UBTD2: variants seen among roughly 807,000 people sequenced by gnomAD.
The protein encoded by UBTD2 is ubiquitin domain containing 2.
Under a neutral mutation model 19.8 loss-of-function variants are expected in UBTD2, and 9 were observed. The ratio of observed to expected loss-of-function variants is 0.46; its 90% CI spans 0.27 to 0.79. The LOEUF (loss-of-function observed/expected upper bound fraction) is 0.79. Ranked by LOEUF, UBTD2 falls within the 30% of genes least tolerant of loss-of-function variation. The pLI is 0.14. For missense variants in UBTD2, 250 were observed against 300.4 expected (o/e 0.83, Z 1.24); for synonymous variants, 98 against 103.9 (o/e 0.94, Z 0.35).
intron 1 of UBTD2, among the ~76,000 whole-genome samples, chr5:172,239,565 C>G (rs375732614): frequency 1.2e-4 from 18 of 151,876 alleles, no homozygotes; most frequent in Admixed American, 1.2e-3. Context: ...GGATTACAGG[C>G]GCCTGCCACC....
At chr5:172,235,815 A>G (rs1771997139) in intron 1 of UBTD2, among the ~76,000 whole-genome samples, 1 of 152,182 alleles carries the variant, frequency 6.6e-6, no homozygotes, top group Non-Finnish European at 1.5e-5. Context: ...ATGGGATAGA[A>G]GATAGAAAGA....
chr5:172,255,116 G>T, intron 1 of UBTD2: 1 of 475,632 alleles, frequency 2.1e-6, no homozygotes, highest in South Asian at 1.9e-5. Context: ...AAGGGGATGA[G>T]TATTTTCATT....
At chr5:172,260,467 T>C (rs1237493379) in intron 1 of UBTD2, among the ~76,000 whole-genome samples, 2 of 151,928 alleles carry the variant, frequency 1.3e-5, no homozygotes, top group East Asian at 3.9e-4. Flanking sequence ...TTGCTTGTTA[T>C]AGAAAAAAAG....
At chr5:172,281,960 A>G (rs1241770963) in intron 1 of UBTD2, among the ~76,000 whole-genome samples, 1 of 152,242 alleles carries the variant, frequency 6.6e-6, no homozygotes, top group Non-Finnish European at 1.5e-5. Context: ...AATTACCCAA[A>G]GCTAAGATTT....
chr5:172,248,731 C>T (rs1042129148), intron 1 of UBTD2, among the ~76,000 whole-genome samples: 5 of 150,700 alleles, frequency 3.3e-5, no homozygotes, highest in African/African-American at 1.2e-4. Context: ...CACTGTATTC[C>T]AGCCTAGGTG....
intron 1 of UBTD2, among the ~76,000 whole-genome samples, chr5:172,257,646 G>A (rs1031942531): frequency 6.6e-6 from 1 of 152,018 alleles, no homozygotes; most frequent in Non-Finnish European, 1.5e-5. Context: ...GTTATTTTTT[G>A]ACTTTTTAAC....
Position 172,269,927 on chromosome 5 carries a change from A to G in UBTD2, c.70+13669T>C, listed in dbSNP as rs557348285. Among the ~76,000 whole-genome samples, 6 of 151,446 alleles carry G rather than the reference A, an allele frequency of 4.0e-5. No homozygotes were observed. In the South Asian group the frequency reaches 1.3e-3, roughly 32 times the overall value. On this transcript the variant is annotated intron_variant, in intron 1 of 2. Transcript: ENST00000393792. ...TCCGTCTCTACTAAAAATACAAAAA[A>G]TTAGCTGGGCATGGTTGCGCATGCC...
chr5:172,245,569 C>A (rs188602252), intron 1 of UBTD2, among the ~76,000 whole-genome samples: 173 of 152,080 alleles, frequency 1.1e-3, no homozygotes, highest in African/African-American at 4.0e-3. Flanking sequence ...AAAATTAGCC[C>A]CACGTGGTGG....
chr5:172,241,975 G>C (rs1210679196), intron 1 of UBTD2, among the ~76,000 whole-genome samples: 1 of 152,270 alleles, frequency 6.6e-6, no homozygotes, highest in Non-Finnish European at 1.5e-5. Flanking sequence ...CTGCGATCGT[G>C]CAACTGCACT....
At chr5:172,260,079 CA>C (rs1340301217) in intron 1 of UBTD2, among the ~76,000 whole-genome samples, 25 of 151,438 alleles carry the variant, frequency 1.7e-4, no homozygotes, top group African/African-American at 5.8e-4. Flanking sequence ...GCCGCACCCC[CA>C]CCCCCAACAA....
chr5:172,241,672 T>C (rs951167289), intron 1 of UBTD2, among the ~76,000 whole-genome samples: 7 of 152,062 alleles, frequency 4.6e-5, no homozygotes, highest in African/African-American at 1.7e-4. Context: ...AGTATAAGGC[T>C]TTTCTGACAC....
At chr5:172,259,333 G>A (rs1350826828) in intron 1 of UBTD2, among the ~76,000 whole-genome samples, 1 of 151,954 alleles carries the variant, frequency 6.6e-6, no homozygotes, top group Non-Finnish European at 1.5e-5. Context: ...GGTAGAGACA[G>A]GGTTTCACTA....
Position 172,254,986 on chromosome 5 carries a change from C to T in UBTD2, c.71-20628G>A, listed in dbSNP as rs1028290445. The T allele has an allele frequency of 7.1e-6, 4 of 563,156 alleles. No individual in the cohort carries two copies. In the African/African-American group the frequency reaches 7.5e-5, roughly 11 times the overall value. 34.9% of individuals were successfully genotyped at this position (563,156 alleles called of 1,614,324 possible). A position where few individuals can be genotyped will look rare whatever the true frequency, so the allele number is the denominator to read the frequency against. On this transcript the variant is annotated intron_variant, in intron 1 of 2. Coordinates refer to ENST00000393792, the MANE Select transcript of UBTD2 (RefSeq NM_152277.3). Reference sequence around the variant, plus strand: ...TCATGTACATAAAGGGGATGGGCTGCACCACCACCGGCTGGATGACCAGCA... The same window carrying T: ...TCATGTACATAAAGGGGATGGGCTGTACCACCACCGGCTGGATGACCAGCA...
At chr5:172,220,952 AACT>A in intron 2 of UBTD2, among the ~76,000 whole-genome samples, 2 of 152,260 alleles carry the variant, frequency 1.3e-5, no homozygotes, top group Non-Finnish European at 2.9e-5. Flanking sequence ...TACAAAAGTC[AACT>A]GCTCTCCTAT....
chr5:172,249,601 T>C (rs981893775), intron 1 of UBTD2, among the ~76,000 whole-genome samples: 1 of 152,124 alleles, frequency 6.6e-6, no homozygotes, highest in African/African-American at 2.4e-5. Context: ...CACACCCTCA[T>C]AGCCCCAGAT....
At chr5:172,257,611 T>G (rs1166193890) in intron 1 of UBTD2, among the ~76,000 whole-genome samples, 4 of 152,232 alleles carry the variant, frequency 2.6e-5, no homozygotes, top group Non-Finnish European at 5.9e-5. Flanking sequence ...CAGCATTCCC[T>G]TTTCTCCACA....
At chr5:172,232,928 G>A (rs1270463486) in intron 2 of UBTD2, among the ~76,000 whole-genome samples, 2 of 151,900 alleles carry the variant, frequency 1.3e-5, no homozygotes, top group African/African-American at 4.8e-5. Flanking sequence ...GATCACCTGA[G>A]GTCAGGAGCT....
intron 1 of UBTD2, among the ~76,000 whole-genome samples, chr5:172,244,463 A>AT (rs1324630949): frequency 6.7e-6 from 1 of 148,844 alleles, no homozygotes; most frequent in Non-Finnish European, 1.5e-5. Context: ...CGCCCGGCTA[A>AT]TTTTTTGTAT....
At chr5:172,246,943 A>T (rs1433375024) in intron 1 of UBTD2, among the ~76,000 whole-genome samples, 1 of 150,838 alleles carries the variant, frequency 6.6e-6, no homozygotes, top group African/African-American at 2.4e-5. Flanking sequence ...TTCAGTAGAG[A>T]TGGGGTTTCA....
Sources: allele counts gnomAD v4.1 joint callset (sites outside exome capture counted in the v4.1 genomes callset), GRCh38; gene constraint gnomAD v4.1.1; transcripts MANE v1.5; gene names NCBI Gene and HGNC (gene_info 2026-07-23, HGNC 2026-07-21).